Variants in GALNS observed in about 807,000 individuals in gnomAD.
The protein encoded by GALNS is galactosamine (N-acetyl)-6-sulfatase.
Under a neutral mutation model 65.9 loss-of-function variants are expected in GALNS, and 65 were observed. The observed-to-expected ratio is 0.99, with a 90% CI of 0.81 to 1.21. The LOEUF is 1.21. GALNS is among the 50% of genes most tolerant of loss of function. The pLI, the probability that GALNS is intolerant of heterozygous loss-of-function variation, is 0.00. For synonymous variants in GALNS, 346 were observed against 288.9 expected, an observed-to-expected ratio of 1.20 and a Z score of -2.00; for missense variants, 776 against 700.7, an observed-to-expected ratio of 1.11 and a Z score of -1.21.
At chr16:88,827,591 T>C (rs140487936) in intron 9 of GALNS, among the ~76,000 whole-genome samples, 6,570 of 152,138 alleles carry the variant, frequency 0.043, 172 homozygotes, top group South Asian at 0.083. Context: ...GGATTACAGG[T>C]ATGTGTCACT....
chr16:88,856,335 G>A (rs941493643), intron 1 of GALNS: 24 of 702,458 alleles, frequency 3.4e-5, no homozygotes, highest in Non-Finnish European at 6.0e-5. Flanking sequence ...AGGGCGGCAG[G>A]AGCAGCCTCT....
intron 1 of GALNS, chr16:88,855,857 C>G (rs1002000277): frequency 1.6e-5 from 8 of 504,692 alleles, no homozygotes; most frequent in African/African-American, 1.5e-4. Context: ...AGCCAGCACA[C>G]AGGGGCTGAG....
chr16:88,856,282 C>G (rs528345361), intron 1 of GALNS: 8 of 702,876 alleles, frequency 1.1e-5, no homozygotes, highest in Non-Finnish European at 2.1e-5. Context: ...CCCGGCGGCC[C>G]GAGGTGGCGG....
chr16:88,839,211 G>A (rs1912461417), intron 4 of GALNS, among the ~76,000 whole-genome samples: 1 of 146,752 alleles, frequency 6.8e-6, no homozygotes, highest in South Asian at 2.2e-4. Flanking sequence ...ACGTCCACAG[G>A]TCACCGCCCG....
chr16:88,817,387 G>C (rs915579605), intron 13 of GALNS: 2 of 985,456 alleles, frequency 2.0e-6, no homozygotes, highest in South Asian at 9.4e-5. Flanking sequence ...GTCTTGTCAG[G>C]CTGCACGGAG....
At chr16:88,848,295 G>A (rs1034272071) in intron 1 of GALNS, among the ~76,000 whole-genome samples, 2 of 143,478 alleles carry the variant, frequency 1.4e-5, no homozygotes, top group Admixed American at 1.3e-4. Context: ...AAAATGACCC[G>A]CACACTTTCA....
chr16:88,819,934 T>C (rs112011852), intron 12 of GALNS, among the ~76,000 whole-genome samples: 15,221 of 152,134 alleles, frequency 0.1, 1,087 homozygotes, highest in African/African-American at 0.2. Context: ...CCTCATGATC[T>C]GCCTGCCTCG....
intron 5 of GALNS, among the ~76,000 whole-genome samples, chr16:88,837,159 GTGC>G (rs1214953842): frequency 6.6e-6 from 1 of 152,198 alleles, no homozygotes; most frequent in African/African-American, 2.4e-5. Flanking sequence ...GTGTCAAGAG[GTGC>G]TGCCCCCACG....
intron 13 of GALNS, chr16:88,816,077 T>C: frequency 2.0e-6 from 2 of 985,420 alleles, no homozygotes; most frequent in Non-Finnish European, 2.4e-6. Flanking sequence ...CACGGTGGCA[T>C]CTGGGCCCCT....
At chr16:88,843,367 G>A (rs895782482) in intron 1 of GALNS, 29 of 486,300 alleles carry the variant, frequency 6.0e-5, no homozygotes, top group African/African-American at 5.1e-4. Context: ...ACGTCCACAC[G>A]CAGGCCTGCA....
intron 8 of GALNS, among the ~76,000 whole-genome samples, chr16:88,833,278 G>A (rs948905110): frequency 9.2e-5 from 14 of 151,912 alleles, no homozygotes; most frequent in African/African-American, 1.9e-4. Context: ...CCCGCAACCC[G>A]GCCTGTCTCA....
intron 9 of GALNS, among the ~76,000 whole-genome samples, chr16:88,830,332 T>C (rs1911369549): frequency 6.8e-6 from 1 of 147,898 alleles, no homozygotes. Flanking sequence ...AGCTCAGGAA[T>C]GGGGCAGCTA....
At chr16:88,817,479 C>A in intron 13 of GALNS, 1 of 985,392 alleles carries the variant, frequency 1.0e-6, no homozygotes, top group Non-Finnish European at 1.2e-6. Context: ...GAAGGAGGCA[C>A]AAATGAGAAC....
chr16:88,856,305 G>A, intron 1 of GALNS: 3 of 702,826 alleles, frequency 4.3e-6, no homozygotes, highest in Non-Finnish European at 7.8e-6. Context: ...GTGATTCCTA[G>A]GGCGACGCAG....
chr16:88,853,702 G>GC (rs941373204), intron 1 of GALNS, among the ~76,000 whole-genome samples: 3 of 152,176 alleles, frequency 2.0e-5, no homozygotes, highest in African/African-American at 7.2e-5. Flanking sequence ...AGCAGAGTGG[G>GC]CCACGCAGGT....
intron 1 of GALNS, among the ~76,000 whole-genome samples, chr16:88,854,134 C>G (rs1372006784): frequency 6.6e-6 from 1 of 152,224 alleles, no homozygotes; most frequent in African/African-American, 2.4e-5. Flanking sequence ...GCTCCAAAAT[C>G]TGAACTTGAG....
chr16:88,819,253 G>A (rs111320377), intron 12 of GALNS, among the ~76,000 whole-genome samples: 5 of 147,178 alleles, frequency 3.4e-5, no homozygotes, highest in African/African-American at 9.9e-5. Context: ...TTAGGCCTCA[G>A]GCCTGGGGTT....
chr16:88,849,926 G>A (rs527773256), intron 1 of GALNS, among the ~76,000 whole-genome samples: 12 of 152,348 alleles, frequency 7.9e-5, no homozygotes, highest in Admixed American at 5.9e-4. Context: ...CACAGTGGGC[G>A]AATGCGCCCA....
chr16:88,842,600 A>C, intron 2 of GALNS, 106 bp downstream of exon 2: 1 of 1,387,288 alleles, frequency 7.2e-7, no homozygotes. Context: ...AGTAGTAGGA[A>C]TAGACAAGGT....
Sources: gnomAD v4.1 joint callset for allele counts (sites outside exome capture counted in the v4.1 genomes callset) on GRCh38, gnomAD v4.1.1 for gene constraint, MANE v1.5 for transcripts, NCBI Gene and HGNC (gene_info 2026-07-23, HGNC 2026-07-21) for gene names.